The following PRMT7 variants were observed in gnomAD, a reference collection of about 807,000 sequenced individuals.
The protein encoded by PRMT7 is protein arginine methyltransferase 7.
Under a neutral mutation model 85.4 loss-of-function variants are expected in PRMT7, and 75 were observed. That is an observed-to-expected ratio of 0.88 (90% confidence interval 0.73 to 1.06). The LOEUF (loss-of-function observed/expected upper bound fraction) is 1.06. Among genes scored for constraint, PRMT7 ranks in the 50% least tolerant of loss-of-function variants. The pLI, the probability that PRMT7 is intolerant of heterozygous loss-of-function variation, is 0.00. For missense variants in PRMT7, 868 were observed against 915.2 expected (o/e 0.95, Z 0.67); for synonymous variants, 397 against 359.5 (o/e 1.10, Z -1.18).
intron 9 of PRMT7, among the ~76,000 whole-genome samples, chr16:68,342,589 A>G (rs970848205): frequency 6.6e-6 from 1 of 152,206 alleles, no homozygotes; most frequent in Admixed American, 6.5e-5. Flanking sequence ...TGTCCACAAC[A>G]TTATGGAAGG....
At chr16:68,319,421 C>T (rs1336252613) in intron 3 of PRMT7, among the ~76,000 whole-genome samples, 1 of 151,916 alleles carries the variant, frequency 6.6e-6, no homozygotes, top group African/African-American at 2.4e-5. Flanking sequence ...CAGGAGTGAG[C>T]TGGTGGTGGT....
At chr16:68,316,164 G>GCTGT in intron 3 of PRMT7, 90 bp downstream of exon 3, 1 of 1,130,390 alleles carries the variant, frequency 8.8e-7, no homozygotes, top group Non-Finnish European at 1.3e-6. Flanking sequence ...CGTGGGCTAG[G>GCTGT]CTGTCACCCA....
chr16:68,341,962 T>G (rs1315002144), intron 9 of PRMT7, among the ~76,000 whole-genome samples: 1 of 152,094 alleles, frequency 6.6e-6, no homozygotes, highest in Non-Finnish European at 1.5e-5. Flanking sequence ...AGTTTAATTT[T>G]GGGGAAGGAC....
chr16:68,317,258 T>C (rs1205919290), intron 3 of PRMT7, among the ~76,000 whole-genome samples: 2 of 115,602 alleles, frequency 1.7e-5, no homozygotes, highest in Non-Finnish European at 3.8e-5. Context: ...AAAAAAAAAT[T>C]ACAGCACAGT....
At chr16:68,345,993 A>T in intron 10 of PRMT7, 152 bp from the exon 11 acceptor site, 1 of 1,351,104 alleles carries the variant, frequency 7.4e-7, no homozygotes, top group South Asian at 1.3e-5. Flanking sequence ...GGGTTGCTGG[A>T]ATCTGTTTAG....
chr16:68,349,309 C>T (rs941344486), intron 14 of PRMT7, among the ~76,000 whole-genome samples: 9 of 149,156 alleles, frequency 6.0e-5, no homozygotes, highest in Admixed American at 1.3e-4. Flanking sequence ...CTGGTAATCA[C>T]GTTCCTTCTC....
chr16:68,322,098 T>C (rs987518354), intron 4 of PRMT7, among the ~76,000 whole-genome samples: 1 of 152,180 alleles, frequency 6.6e-6, no homozygotes, highest in Non-Finnish European at 1.5e-5. Flanking sequence ...TACCTAGTAT[T>C]GGGATAATAC....
At chr16:68,344,030 A>C (rs1251912397) in intron 9 of PRMT7, among the ~76,000 whole-genome samples, 1 of 152,140 alleles carries the variant, frequency 6.6e-6, no homozygotes. Context: ...TTGTGGTGGC[A>C]CCTCTTAGCT....
At chr16:68,311,986 T>C (rs961787625) in intron 1 of PRMT7, 56 bp from the exon 2 acceptor site, 3 of 152,130 alleles carry the variant, frequency 2.0e-5, no homozygotes, top group Non-Finnish European at 4.4e-5. Flanking sequence ...CCTAATATAG[T>C]GCCTGGCACA....
chr16:68,335,414 G>A (rs554423127), intron 6 of PRMT7, among the ~76,000 whole-genome samples: 4 of 152,092 alleles, frequency 2.6e-5, no homozygotes, highest in Non-Finnish European at 5.9e-5. Context: ...GTTAGCTGGG[G>A]TGGGTGGGAT....
intron 3 of PRMT7, among the ~76,000 whole-genome samples, chr16:68,320,091 C>T (rs1424161979): frequency 2.6e-5 from 4 of 152,098 alleles, no homozygotes; most frequent in African/African-American, 7.2e-5. Flanking sequence ...TCCCTAATAC[C>T]GCATCAGTGG....
At chr16:68,341,663 C>T (rs1399893634) in intron 9 of PRMT7, among the ~76,000 whole-genome samples, 3 of 152,156 alleles carry the variant, frequency 2.0e-5, no homozygotes, top group Non-Finnish European at 4.4e-5. Flanking sequence ...CCCCACCGGC[C>T]TCCCAAAGTG....
At chr16:68,312,872 T>C (rs1302996677) in intron 2 of PRMT7, among the ~76,000 whole-genome samples, 2 of 152,236 alleles carry the variant, frequency 1.3e-5, no homozygotes, top group Non-Finnish European at 2.9e-5. Flanking sequence ...TTGCCCAGGC[T>C]GGAGTGCAGT....
chr16:68,319,870 C>G (rs1260531096), intron 3 of PRMT7, among the ~76,000 whole-genome samples: 1 of 152,172 alleles, frequency 6.6e-6, no homozygotes, highest in African/African-American at 2.4e-5. Flanking sequence ...CAGGGCCTGC[C>G]TAGTTCTGGG....
At chr16:68,324,590 C>A in intron 4 of PRMT7, 93 bp from the exon 5 acceptor site, 2 of 1,487,956 alleles carry the variant, frequency 1.3e-6, no homozygotes, top group Non-Finnish European at 1.8e-6. Context: ...CTGACTTGCA[C>A]TGCCACTGCC....
Position 68,357,173 on chromosome 16 carries a change from C to A in PRMT7, c.2028C>A (p.Pro676=), listed in dbSNP as rs978150770. 1.9e-6 allele frequency: 3 copies of A among 1,613,824 alleles called. No individual in the cohort carries two copies. Among genetic ancestry groups the A allele is most frequent in the East Asian group, 4.5e-5 (2 of 44,900 alleles). ...RTVSYAVEFH[P]DTGDIIMEFR... ...TCAGCTATGCAGTGGAGTTTCACCCCGACACAGGCGACATCATCATGGAGT... is the reference window on the plus strand; with the variant it reads ...TCAGCTATGCAGTGGAGTTTCACCCAGACACAGGCGACATCATCATGGAGT... Residue 676 remains proline, a synonymous_variant, in exon 19 of 19, where the codon CCC becomes CCA. Transcript: ENST00000441236.
At position 68,357,502 on chromosome 16, in the gene PRMT7, CAGAGACAT is replaced by C; in HGVS notation, c.*279_*286del. On this transcript the variant is annotated 3_prime_UTR_variant, in exon 19 of 19. Transcript: ENST00000441236. ...CTGAGGTGCTGAGAATGCTCCAACACAGAGACATCTCTCCCCAGCTGGGAAGGGAGTGG... is the reference window on the plus strand; with the variant it reads ...CTGAGGTGCTGAGAATGCTCCAACACCTCTCCCCAGCTGGGAAGGGAGTGG... The C allele has an allele frequency of 2.6e-6, 1 of 382,324 alleles. No individual in the cohort carries two copies. The allele number at this position is 382,324 out of a possible 1,614,324, so 23.7% of individuals were successfully genotyped here.
intron 6 of PRMT7, among the ~76,000 whole-genome samples, chr16:68,336,086 T>A (rs1433737825): frequency 6.6e-6 from 1 of 152,202 alleles, no homozygotes; most frequent in Admixed American, 6.5e-5. Flanking sequence ...CCCTGTCAGC[T>A]GCTTTCATGC....
At chr16:68,326,622 G>T (rs1224219370) in intron 5 of PRMT7, among the ~76,000 whole-genome samples, 1 of 152,020 alleles carries the variant, frequency 6.6e-6, no homozygotes, top group Admixed American at 6.6e-5. Flanking sequence ...GGGTACCATC[G>T]GCTAGAATGA....
Sources: allele counts gnomAD v4.1 joint callset (sites outside exome capture counted in the v4.1 genomes callset), GRCh38; gene constraint gnomAD v4.1.1; transcripts MANE v1.5; gene names NCBI Gene and HGNC (gene_info 2026-07-23, HGNC 2026-07-21).